IPO11: variants seen among roughly 807,000 people sequenced by gnomAD.
The protein encoded by IPO11 is importin-11.
IPO11 carries 66 observed loss-of-function variants against 143.2 expected under a neutral mutation model. The ratio of observed to expected loss-of-function variants is 0.46; its 90% CI spans 0.38 to 0.57. The LOEUF (loss-of-function observed/expected upper bound fraction) is 0.57, where lower values mean the gene tolerates loss of function less well. Ranked by LOEUF, IPO11 falls within the 20% of genes least tolerant of loss-of-function variation. The probability of loss-of-function intolerance (pLI) is 0.00; values close to 1 mark genes in which losing one functional copy is unlikely to be tolerated. For missense variants in IPO11, 1,026 were observed against 1,141.0 expected, an observed-to-expected ratio of 0.90 and a Z score of 1.45; for synonymous variants, 385 against 377.8, an observed-to-expected ratio of 1.02 and a Z score of -0.22.
chr5:62,483,965 A>T, intron 10 of IPO11, 45 bp from the exon 11 acceptor site: 3 of 1,500,176 alleles, frequency 2.0e-6, no homozygotes, highest in Non-Finnish European at 2.7e-6. Context: ...CAATGTAGCT[A>T]CAATGTTTGG....
intron 7 of IPO11, among the ~76,000 whole-genome samples, chr5:62,470,896 T>C (rs1411234175): frequency 1.4e-5 from 2 of 143,916 alleles, no homozygotes; most frequent in Non-Finnish European, 3.0e-5. Context: ...GGTGCAGTCT[T>C]GGGTCTCTGC....
chr5:62,584,354 T>C (rs894355925), intron 27 of IPO11, among the ~76,000 whole-genome samples: 3 of 151,988 alleles, frequency 2.0e-5, no homozygotes, highest in Non-Finnish European at 4.4e-5. Context: ...CCCAGCACTT[T>C]TGGAAGGCTG....
intron 3 of IPO11, among the ~76,000 whole-genome samples, chr5:62,449,408 T>C (rs1025758288): frequency 1.3e-5 from 2 of 152,214 alleles, no homozygotes; most frequent in African/African-American, 4.8e-5. Flanking sequence ...CCATCCCAGA[T>C]ATTCCCTGAT....
chr5:62,550,824 C>G (rs1743362742), intron 25 of IPO11, among the ~76,000 whole-genome samples: 2 of 151,902 alleles, frequency 1.3e-5, no homozygotes, highest in Admixed American at 6.6e-5. Context: ...AAGAACAGCT[C>G]TCTTAAATAG....
chr5:62,516,662 A>C (rs1742031222), intron 20 of IPO11, among the ~76,000 whole-genome samples: 1 of 152,194 alleles, frequency 6.6e-6, no homozygotes, highest in Non-Finnish European at 1.5e-5. Context: ...GATAAATAGT[A>C]ATGCAAAATA....
At chr5:62,500,700 G>A (rs913665776) in intron 16 of IPO11, among the ~76,000 whole-genome samples, 2 of 152,062 alleles carry the variant, frequency 1.3e-5, no homozygotes, top group African/African-American at 2.4e-5. Context: ...ATCTCTCTAT[G>A]TTGCCCAGGC....
At chr5:62,582,414 C>G (rs1203381438) in intron 27 of IPO11, among the ~76,000 whole-genome samples, 1 of 152,096 alleles carries the variant, frequency 6.6e-6, no homozygotes, top group Admixed American at 6.6e-5. Context: ...GCTGTATTCA[C>G]TAAGCTAGGG....
chr5:62,585,969 G>A (rs953954199), intron 27 of IPO11, among the ~76,000 whole-genome samples: 2 of 152,182 alleles, frequency 1.3e-5, no homozygotes, highest in Non-Finnish European at 2.9e-5. Flanking sequence ...AACAGGAAGA[G>A]AACCTGGTTT....
At chr5:62,597,098 CG>C (rs1745256721) in intron 28 of IPO11, among the ~76,000 whole-genome samples, 2 of 151,914 alleles carry the variant, frequency 1.3e-5, no homozygotes, top group African/African-American at 4.8e-5. Context: ...AGTCTAGTGA[CG>C]GTAAGAGGAT....
At chr5:62,464,677 G>T (rs752936736) in intron 5 of IPO11, among the ~76,000 whole-genome samples, 1 of 151,764 alleles carries the variant, frequency 6.6e-6, no homozygotes, top group Admixed American at 6.6e-5. Flanking sequence ...ACCGTGTTTC[G>T]CCATGTTGCA....
At chr5:62,493,015 G>C (rs946592917) in intron 15 of IPO11, among the ~76,000 whole-genome samples, 10 of 152,130 alleles carry the variant, frequency 6.6e-5, no homozygotes, top group Non-Finnish European at 1.3e-4. Flanking sequence ...GGACACAAAT[G>C]TTTTGAACTG....
At chr5:62,441,178 A>C (rs1744462416) in intron 2 of IPO11, among the ~76,000 whole-genome samples, 1 of 152,116 alleles carries the variant, frequency 6.6e-6, no homozygotes, top group African/African-American at 2.4e-5. Context: ...AGTTGAGATT[A>C]TTCACATCAC....
At chr5:62,509,197 G>A (rs541009691) in intron 19 of IPO11, among the ~76,000 whole-genome samples, 18 of 152,262 alleles carry the variant, frequency 1.2e-4, no homozygotes, top group African/African-American at 3.4e-4. Flanking sequence ...ATCATCAGGC[G>A]TGGTATCAGG....
intron 9 of IPO11, among the ~76,000 whole-genome samples, chr5:62,478,715 A>T (rs1364043694): frequency 6.6e-6 from 1 of 152,082 alleles, no homozygotes; most frequent in Non-Finnish European, 1.5e-5. Context: ...TTTGAATTTG[A>T]TTGCTTGTGT....
At chr5:62,542,071 T>A (rs1417682576) in intron 24 of IPO11, among the ~76,000 whole-genome samples, 9 of 151,896 alleles carry the variant, frequency 5.9e-5, no homozygotes, top group African/African-American at 1.9e-4. Context: ...TCTTTTTATT[T>A]TTTTTATTTT....
intron 29 of IPO11, among the ~76,000 whole-genome samples, chr5:62,607,285 T>G (rs1455760644): frequency 6.6e-6 from 1 of 152,250 alleles, no homozygotes; most frequent in African/African-American, 2.4e-5. Context: ...GACACTGTTA[T>G]GAGTTGAAAC....
rs538186250 is a variant in IPO11, at chr5:62,540,649, A to C, written c.2250+3360A>C. On this transcript the variant is annotated intron_variant, in intron 24 of 29. Coordinates refer to ENST00000325324, the MANE Select transcript of IPO11 (RefSeq NM_016338.5). ...GTTAGAACATTGGCTCTGCTACTTCACAGCTATGTGATGTGGACAGATTAG... is the reference window on the plus strand; with the variant it reads ...GTTAGAACATTGGCTCTGCTACTTCCCAGCTATGTGATGTGGACAGATTAG... 2.6e-5 allele frequency among the ~76,000 whole-genome samples: 4 copies of C among 152,182 alleles called. 1 individual carries two copies. The highest frequency in any genetic ancestry group is 5.9e-5 in the Non-Finnish European group (4 of 68,044).
At chr5:62,565,128 A>G (rs1051032018) in intron 27 of IPO11, among the ~76,000 whole-genome samples, 1 of 152,206 alleles carries the variant, frequency 6.6e-6, no homozygotes, top group African/African-American at 2.4e-5. Context: ...TGAATGGGAA[A>G]GATATATTTT....
chr5:62,518,631 T>C (rs918610789), intron 20 of IPO11, among the ~76,000 whole-genome samples: 1 of 151,920 alleles, frequency 6.6e-6, no homozygotes, highest in Non-Finnish European at 1.5e-5. Context: ...ATAAAAAAAA[T>C]TTACTGGTAA....
Sources: gnomAD v4.1 joint callset for allele counts (sites outside exome capture counted in the v4.1 genomes callset) on GRCh38, gnomAD v4.1.1 for gene constraint, MANE v1.5 for transcripts, NCBI Gene and HGNC (gene_info 2026-07-23, HGNC 2026-07-21) for gene names.